Variants in TJP2 observed in about 807,000 individuals in gnomAD.
TJP2 encodes Friedreich ataxia region gene X104 (tight junction protein ZO-2).
TJP2 carries 91 observed loss-of-function variants against 133.1 expected under a neutral mutation model. The ratio of observed to expected loss-of-function variants is 0.68; its 90% CI spans 0.58 to 0.81. The LOEUF is 0.81. TJP2 is among the 40% of genes least tolerant of loss of function. The pLI is 0.00. For synonymous variants in TJP2, 592 were observed against 583.4 expected, an observed-to-expected ratio of 1.01 and a Z score of -0.21; for missense variants, 1,541 against 1,565.6, an observed-to-expected ratio of 0.98 and a Z score of 0.26.
At chr9:69,151,874 T>C (rs1056052752) in intron 2 of TJP2, 1 of 1,124,412 alleles carries the variant, frequency 8.9e-7, no homozygotes, top group African/African-American at 1.6e-5. Flanking sequence ...AGAGTTACCA[T>C]TTTTGATGTT....
At chr9:69,162,134 T>A (rs1235490368) in intron 2 of TJP2, among the ~76,000 whole-genome samples, 1 of 148,022 alleles carries the variant, frequency 6.8e-6, no homozygotes, top group Non-Finnish European at 1.5e-5. Context: ...TTATATATTA[T>A]ATATGAATAT....
At chr9:69,168,119 T>C (rs1488703973) in intron 2 of TJP2, among the ~76,000 whole-genome samples, 1 of 152,228 alleles carries the variant, frequency 6.6e-6, no homozygotes, top group Non-Finnish European at 1.5e-5. Flanking sequence ...ACTGAATGTT[T>C]CTAAAGGAAA....
intron 2 of TJP2, among the ~76,000 whole-genome samples, chr9:69,153,179 G>T (rs915283424): frequency 1.3e-5 from 2 of 152,056 alleles, no homozygotes; most frequent in Non-Finnish European, 1.5e-5. Context: ...GCTGCAGTGA[G>T]CTATAATTGC....
chr9:69,178,711 T>C (rs1825273075), intron 1 of TJP2, among the ~76,000 whole-genome samples: 1 of 152,238 alleles, frequency 6.6e-6, no homozygotes, highest in African/African-American at 2.4e-5. Flanking sequence ...TGTTTTAACG[T>C]CTGGCCCAAT....
At chr9:69,126,434 T>C (rs147651055) in intron 1 of TJP2, among the ~76,000 whole-genome samples, 821 of 76,472 alleles carry the variant, frequency 0.011, 291 homozygotes, top group African/African-American at 0.031. Context: ...AGAAGTACTC[T>C]GCATGACAGT....
rs1039096394 is a variant in TJP2, at chr9:69,228,208, C to T, written c.1453+94C>T. ...AGAGTGAAATCATGTCCTTTGCAGC[C>T]ACGTGGATGCAGCTGGAGGCCATTA... is the stretch of plus-strand genomic sequence containing the variant. On this transcript the variant is annotated intron_variant, in intron 9 of 22. Coordinates refer to ENST00000377245, the MANE Select transcript of TJP2 (RefSeq NM_004817.4). 4.1e-6 allele frequency: 6 copies of T among 1,453,068 alleles called. No individual in the cohort carries two copies. The Admixed American group carries it at 5.9e-5, about 14-fold the overall frequency. 90.0% of individuals were successfully genotyped at this position (1,453,068 alleles called of 1,614,324 possible). A position where few individuals can be genotyped will look rare whatever the true frequency, so the allele number is the denominator to read the frequency against.
intron 7 of TJP2, among the ~76,000 whole-genome samples, chr9:69,227,101 C>T (rs193205353): frequency 1.3e-5 from 2 of 150,432 alleles, no homozygotes; most frequent in African/African-American, 2.4e-5. Flanking sequence ...TATTAAGTTA[C>T]GAAGTTGTAA....
intron 1 of TJP2, among the ~76,000 whole-genome samples, chr9:69,194,265 A>G (rs904113833): frequency 3.9e-5 from 6 of 152,174 alleles, no homozygotes; most frequent in African/African-American, 1.4e-4. Flanking sequence ...GAAAATAAGT[A>G]CTATTTTTTT....
rs1363881103 is a variant in TJP2 at position 69,221,361 on chromosome 9, G to A, written c.817G>A (p.Ala273Thr). The stretch of plus-strand genomic sequence containing the variant: ...CTACAGCCCGGAGTACAGGCGCGGG[G>A]CCCGCCACGATGCCCGCTCTCGGGG... ...RAYSPEYRRGARHDARSRGPR... is the reference protein window; with the variant it reads ...RAYSPEYRRGTRHDARSRGPR... The change falls in exon 5 of 23, where the codon GCC (alanine) becomes ACC (threonine). Residue 273 changes from alanine to threonine, a missense_variant. Physicochemically the swap from Ala to Thr is moderately conservative, Grantham distance 58. Transcript: ENST00000377245. 2 of 1,583,002 alleles carry A rather than the reference G, an allele frequency of 1.3e-6. No individual in the cohort carries two copies. The highest frequency in any genetic ancestry group is 8.6e-7 in the Non-Finnish European group (1 of 1,165,472).
chr9:69,184,753 T>TTC (rs34562631), intron 1 of TJP2, among the ~76,000 whole-genome samples: 3 of 34,908 alleles, frequency 8.6e-5, no homozygotes, highest in African/African-American at 7.4e-5. Context: ...CTCTCTCTTC[T>TTC]TTTTTTTTTT....
chr9:69,204,878 T>C (rs561386545), intron 1 of TJP2: 19 of 1,194,410 alleles, frequency 1.6e-5, no homozygotes, highest in African/African-American at 9.2e-5. Flanking sequence ...AAAAGAAATA[T>C]CTACTCGGAT....
At position 69,229,772 on chromosome 9, in the gene TJP2, C is replaced by T. The variant is rs558827479; in HGVS notation, c.1521-310C>T. 1.4e-4 allele frequency among the ~76,000 whole-genome samples: 22 copies of T among 152,312 alleles called. No individual in the cohort carries two copies. The South Asian group carries it at 3.3e-3, about 23-fold the overall frequency. ...TTATTTGACAAGAATGCAGTGCAAG[C>T]GGGCCTTCCTTTGGAAGAATTTTAG... On this transcript the variant is annotated intron_variant, in intron 10 of 22. Coordinates refer to ENST00000377245, the MANE Select transcript of TJP2 (RefSeq NM_004817.4).
intron 1 of TJP2, among the ~76,000 whole-genome samples, chr9:69,177,312 G>A (rs183436182): frequency 6.6e-6 from 1 of 152,286 alleles, no homozygotes; most frequent in African/African-American, 2.4e-5. Flanking sequence ...GTTTTACTGA[G>A]TTTTTGTCTT....
At chr9:69,147,765 C>T (rs976789238) in intron 1 of TJP2, among the ~76,000 whole-genome samples, 2 of 152,106 alleles carry the variant, frequency 1.3e-5, no homozygotes, top group African/African-American at 4.8e-5. Context: ...CAAAGTAGCC[C>T]TTAATAAGGG....
intron 1 of TJP2, among the ~76,000 whole-genome samples, chr9:69,198,295 C>T (rs1826741113): frequency 6.6e-6 from 1 of 152,100 alleles, no homozygotes; most frequent in Non-Finnish European, 1.5e-5. Context: ...GCATGTGCCA[C>T]TACACCCAGC....
At chr9:69,218,663 T>G (rs893954985) in intron 4 of TJP2, 1 of 383,262 alleles carries the variant, frequency 2.6e-6, no homozygotes, top group Non-Finnish European at 4.9e-6. Context: ...AGTATTAATT[T>G]AGAAAAAAAC....
At chr9:69,219,989 A>G (rs537421630) in intron 4 of TJP2, among the ~76,000 whole-genome samples, 422 of 152,222 alleles carry the variant, frequency 2.8e-3, no homozygotes, top group African/African-American at 9.8e-3. Context: ...CGTCTCTACT[A>G]AAAATACAAA....
intron 2 of TJP2, among the ~76,000 whole-genome samples, chr9:69,215,392 T>G (rs2309426): frequency 0.41 from 62,249 of 150,400 alleles, 13,350 homozygotes; most frequent in African/African-American, 0.52. Context: ...AAGTTGTGGT[T>G]TTTTTTTTTT....
intron 1 of TJP2, among the ~76,000 whole-genome samples, chr9:69,198,077 A>C (rs1201622018): frequency 1.3e-5 from 2 of 151,082 alleles, no homozygotes; most frequent in African/African-American, 4.9e-5. Context: ...TGCTGTTTGC[A>C]TTTCAACACA....
Sources: allele counts gnomAD v4.1 joint callset (sites outside exome capture counted in the v4.1 genomes callset), GRCh38; gene constraint gnomAD v4.1.1; transcripts MANE v1.5; gene names NCBI Gene and HGNC (gene_info 2026-07-23, HGNC 2026-07-21).